CSMD1: variants seen among roughly 807,000 people sequenced by gnomAD.
CSMD1 encodes CUB and sushi domain-containing protein 1.
A neutral mutation model predicts 417.5 loss-of-function variants in CSMD1; 213 were observed. The observed-to-expected ratio is 0.51, with a 90% CI of 0.46 to 0.57. The LOEUF (loss-of-function observed/expected upper bound fraction) is 0.57. Among genes scored for constraint, CSMD1 ranks in the 20% least tolerant of loss-of-function variants. The pLI is 0.00. For missense variants in CSMD1, 6,923 were observed against 4,529.7 expected, an observed-to-expected ratio of 1.53 and a Z score of -15.17; for synonymous variants, 2,862 against 1,736.8, an observed-to-expected ratio of 1.65 and a Z score of -16.11.
At chr8:4,769,197 C>A (rs1796482417) in intron 1 of CSMD1, among the ~76,000 whole-genome samples, 2 of 152,082 alleles carry the variant, frequency 1.3e-5, no homozygotes, top group Admixed American at 1.3e-4. Flanking sequence ...CACCACATAC[C>A]TCATGGCTTT....
At chr8:3,732,400 C>T (rs905669537) in intron 6 of CSMD1, among the ~76,000 whole-genome samples, 2 of 152,088 alleles carry the variant, frequency 1.3e-5, no homozygotes, top group South Asian at 2.1e-4. Context: ...TAGCTGTACC[C>T]TTCAATGAAA....
chr8:4,240,290 G>C (rs1051904427), intron 3 of CSMD1, among the ~76,000 whole-genome samples: 2 of 152,280 alleles, frequency 1.3e-5, no homozygotes, highest in Admixed American at 1.3e-4. Flanking sequence ...TGATTGCTTT[G>C]ACCCTTATCA....
At chr8:4,077,861 C>T (rs551005727) in intron 3 of CSMD1, among the ~76,000 whole-genome samples, 7 of 152,246 alleles carry the variant, frequency 4.6e-5, no homozygotes, top group East Asian at 1.9e-4. Context: ...ATGCCTCCTT[C>T]CTTTCTCTGA....
chr8:3,093,180 A>T (rs182065535), intron 47 of CSMD1, among the ~76,000 whole-genome samples: 51 of 152,282 alleles, frequency 3.3e-4, no homozygotes, highest in Non-Finnish European at 6.2e-4. Context: ...AGACATAACT[A>T]AGGTTAAACG....
chr8:4,845,143 T>C (rs1234963656), intron 1 of CSMD1, among the ~76,000 whole-genome samples: 9 of 152,332 alleles, frequency 5.9e-5, no homozygotes, highest in South Asian at 4.1e-4. Flanking sequence ...ATAAAAATTA[T>C]CACTAACAAT....
chr8:3,270,734 C>G (rs1801783210), intron 26 of CSMD1, among the ~76,000 whole-genome samples: 1 of 151,872 alleles, frequency 6.6e-6, no homozygotes, highest in Non-Finnish European at 1.5e-5. Context: ...TAAAATAATC[C>G]AGAGGGGAAG....
intron 2 of CSMD1, among the ~76,000 whole-genome samples, chr8:4,446,344 T>C (rs1798787487): frequency 6.6e-6 from 1 of 152,046 alleles, no homozygotes; most frequent in Admixed American, 6.6e-5. Context: ...GCCCAGGAGT[T>C]TGAAACCAGC....
intron 26 of CSMD1, among the ~76,000 whole-genome samples, chr8:3,248,076 C>G (rs1018822906): frequency 6.6e-6 from 1 of 152,140 alleles, no homozygotes; most frequent in Non-Finnish European, 1.5e-5. Context: ...GTCTGTAATC[C>G]CATTGCTTTG....
intron 12 of CSMD1, among the ~76,000 whole-genome samples, chr8:3,456,267 G>T (rs1280545056): frequency 1.3e-5 from 2 of 151,846 alleles, no homozygotes; most frequent in East Asian, 1.9e-4. Context: ...CATAGGTGGG[G>T]CGATGCCTTG....
Position 4,154,309 on chromosome 8 carries a change from C to T in CSMD1, c.416-122210G>A, listed in dbSNP as rs147018627. ...AATAAGATGTTTCTGTTCTCAGCTT[C>T]CTATTTAAGTTGAAAGGATGTAGTC... On this transcript the variant is annotated intron_variant, in intron 3 of 69. Coordinates refer to ENST00000635120, the MANE Select transcript of CSMD1 (RefSeq NM_033225.6). 9.6e-3 allele frequency among the ~76,000 whole-genome samples: 1,464 copies of T among 152,258 alleles called. 10 individuals carry two copies. Among genetic ancestry groups the T allele is most frequent in the South Asian group, 0.017 (81 of 4,822 alleles).
At chr8:4,469,613 C>G (rs998060763) in intron 2 of CSMD1, among the ~76,000 whole-genome samples, 4 of 152,102 alleles carry the variant, frequency 2.6e-5, no homozygotes, top group African/African-American at 9.7e-5. Flanking sequence ...CTGTGTATTC[C>G]TGACATCCCT....
chr8:3,992,260 T>C (rs2740976), intron 5 of CSMD1, among the ~76,000 whole-genome samples: 3 of 152,112 alleles, frequency 2.0e-5, no homozygotes, highest in African/African-American at 7.2e-5. Context: ...AAGCTCTATT[T>C]TTCATGAACC....
chr8:4,095,987 C>T (rs1011851722), intron 3 of CSMD1, among the ~76,000 whole-genome samples: 3 of 152,030 alleles, frequency 2.0e-5, no homozygotes, highest in African/African-American at 7.2e-5. Context: ...TAACCAAAAA[C>T]CCAGAGTTGT....
chr8:4,777,628 T>C (rs1353729997), intron 1 of CSMD1, among the ~76,000 whole-genome samples: 1 of 152,206 alleles, frequency 6.6e-6, no homozygotes, highest in East Asian at 1.9e-4. Flanking sequence ...TTTAGAGAAT[T>C]TGCTTTTAAA....
At chr8:3,802,269 G>A (rs1029127133) in intron 5 of CSMD1, among the ~76,000 whole-genome samples, 3 of 152,018 alleles carry the variant, frequency 2.0e-5, no homozygotes, top group Admixed American at 6.6e-5. Context: ...CATCTACATG[G>A]ATGAGATTTC....
At chr8:4,794,614 C>A (rs1797872320) in intron 1 of CSMD1, among the ~76,000 whole-genome samples, 1 of 152,126 alleles carries the variant, frequency 6.6e-6, no homozygotes. Context: ...GGCTGCAAGG[C>A]TGATGTGCTC....
At chr8:3,320,021 C>T (rs1584993788) in intron 23 of CSMD1, among the ~76,000 whole-genome samples, 2 of 152,276 alleles carry the variant, frequency 1.3e-5, no homozygotes, top group East Asian at 3.9e-4. Context: ...GCCCCAACTT[C>T]AGGAGTGTCT....
intron 1 of CSMD1, among the ~76,000 whole-genome samples, chr8:4,974,524 A>G (rs1019008622): frequency 2.2e-5 from 1 of 44,466 alleles, no homozygotes. Context: ...TTTTAACATA[A>G]TAACGTGAGA....
chr8:3,276,627 T>G (rs536251667), intron 26 of CSMD1, among the ~76,000 whole-genome samples: 24 of 152,254 alleles, frequency 1.6e-4, no homozygotes, highest in Non-Finnish European at 3.4e-4. Context: ...AAGATAAGTT[T>G]TGGGTGGGGA....
Sources: allele counts gnomAD v4.1 joint callset (sites outside exome capture counted in the v4.1 genomes callset), GRCh38; gene constraint gnomAD v4.1.1; transcripts MANE v1.5; gene names NCBI Gene and HGNC (gene_info 2026-07-23, HGNC 2026-07-21).